KCNT2: variants seen among roughly 807,000 people sequenced by gnomAD.
The protein encoded by KCNT2 is potassium channel subfamily T member 2.
Under a neutral mutation model 153.8 loss-of-function variants are expected in KCNT2, and 67 were observed. The observed-to-expected ratio is 0.44, with a 90% CI of 0.36 to 0.53. The LOEUF (loss-of-function observed/expected upper bound fraction) is 0.53. Ranked by LOEUF, KCNT2 falls within the 20% of genes least tolerant of loss-of-function variation. KCNT2 has a pLI of 0.00. For synonymous variants in KCNT2, 500 were observed against 458.8 expected (o/e 1.09, Z -1.15); for missense variants, 975 against 1,354.8 (o/e 0.72, Z 4.40).
chr1:196,523,876 T>A (rs1653825534), intron 1 of KCNT2, among the ~76,000 whole-genome samples: 1 of 152,200 alleles, frequency 6.6e-6, no homozygotes, highest in South Asian at 2.1e-4. Context: ...CTACTTTGTT[T>A]TGTAAAATGT....
At chr1:196,498,511 G>T (rs6675592) in intron 1 of KCNT2, among the ~76,000 whole-genome samples, 1 of 151,982 alleles carries the variant, frequency 6.6e-6, no homozygotes, top group Admixed American at 6.6e-5. Flanking sequence ...TCAAACAAGG[G>T]ATTATCTGCC....
intron 1 of KCNT2, among the ~76,000 whole-genome samples, chr1:196,568,575 G>A (rs1660389333): frequency 2.0e-5 from 3 of 146,912 alleles, no homozygotes; most frequent in Non-Finnish European, 4.5e-5. Context: ...CAGCCTGGGC[G>A]ACAGGGCTAG....
intron 1 of KCNT2, among the ~76,000 whole-genome samples, chr1:196,595,675 T>C (rs10801550): frequency 0.48 from 72,764 of 151,992 alleles, 19,808 homozygotes; most frequent in Middle Eastern, 0.73. Context: ...TTATTTTTTG[T>C]AGTAGGCTTT....
intron 19 of KCNT2, among the ~76,000 whole-genome samples, chr1:196,324,646 G>A (rs1436992245): frequency 1.3e-5 from 2 of 152,200 alleles, no homozygotes; most frequent in African/African-American, 4.8e-5. Flanking sequence ...ATTATGAACA[G>A]AGGATGGAGG....
intron 14 of KCNT2, among the ~76,000 whole-genome samples, chr1:196,354,855 C>T (rs1426508084): frequency 2.6e-5 from 4 of 151,478 alleles, no homozygotes; most frequent in Non-Finnish European, 5.9e-5. Context: ...TTTTTTTGCA[C>T]TCATGAATTA....
chr1:196,269,893 T>C (rs1369652635), intron 25 of KCNT2, among the ~76,000 whole-genome samples: 1 of 152,146 alleles, frequency 6.6e-6, no homozygotes, highest in Non-Finnish European at 1.5e-5. Context: ...TTTTGTAACG[T>C]ACTCATAACT....
chr1:196,280,310 G>T (rs1658975198), intron 25 of KCNT2, among the ~76,000 whole-genome samples: 1 of 152,134 alleles, frequency 6.6e-6, no homozygotes, highest in South Asian at 2.1e-4. Flanking sequence ...ACAAGATCAA[G>T]TTTGCTGTTA....
chr1:196,333,960 G>A lies in KCNT2; in HGVS notation c.1884C>T (p.Ser628=). ...CTGCAACCTCTAAAACAGGAGCAAT[G>A]CTAGGTCTTCTTATTTCTTTGCTTC... is the stretch of plus-strand genomic sequence containing the variant. ...TEGSKEIRRP[S]IAPVLEVADT... Residue 628 remains serine, a synonymous_variant, in exon 17 of 28, where the codon AGC becomes AGT. Coordinates refer to ENST00000294725, the MANE Select transcript of KCNT2 (RefSeq NM_198503.5). 1.2e-6 allele frequency: 2 copies of A among 1,612,622 alleles called. No individual in the cohort carries two copies. Among genetic ancestry groups the A allele is most frequent in the Non-Finnish European group, 1.7e-6 (2 of 1,178,966 alleles).
chr1:196,321,701 T>A (rs41451950), intron 19 of KCNT2, among the ~76,000 whole-genome samples: 7,529 of 151,996 alleles, frequency 0.05, 283 homozygotes, highest in Non-Finnish European at 0.072. Flanking sequence ...ATGAAGGATA[T>A]CTAAGGTAAG....
chr1:196,374,868 T>C (rs1047703950), intron 13 of KCNT2, among the ~76,000 whole-genome samples: 4 of 151,776 alleles, frequency 2.6e-5, no homozygotes, highest in Non-Finnish European at 5.9e-5. Flanking sequence ...GAGAAAAATA[T>C]GTACATTTAT....
At chr1:196,422,974 T>G in intron 12 of KCNT2, 76 bp downstream of exon 12, 1 of 962,780 alleles carries the variant, frequency 1.0e-6, no homozygotes, top group South Asian at 1.7e-5. Flanking sequence ...TGCTGGCGAA[T>G]TTTTAAAAAC....
chr1:196,432,557 C>T (rs781402801), intron 8 of KCNT2, among the ~76,000 whole-genome samples: 3 of 152,134 alleles, frequency 2.0e-5, no homozygotes, highest in Non-Finnish European at 4.4e-5. Context: ...TCTCAAACCT[C>T]AGGATTTAAT....
chr1:196,249,007 G>C (rs1331469144), intron 26 of KCNT2, among the ~76,000 whole-genome samples: 1 of 152,058 alleles, frequency 6.6e-6, no homozygotes, highest in Non-Finnish European at 1.5e-5. Flanking sequence ...GCTTCAACAT[G>C]TGCAAATCAA....
intron 23 of KCNT2, 54 bp from the exon 24 acceptor site, chr1:196,282,410 A>T (rs1429951100): frequency 3.4e-6 from 3 of 877,940 alleles, no homozygotes; most frequent in Admixed American, 3.8e-5. Context: ...TATAATGTGT[A>T]TGAGATGTGT....
chr1:196,372,614 G>A (rs1388279549), intron 14 of KCNT2, among the ~76,000 whole-genome samples: 1 of 151,806 alleles, frequency 6.6e-6, no homozygotes, highest in Admixed American at 6.6e-5. Flanking sequence ...CTCCAACCTT[G>A]AAATGCATAT....
chr1:196,391,015 A>G (rs1047622589), intron 13 of KCNT2, among the ~76,000 whole-genome samples: 2 of 150,472 alleles, frequency 1.3e-5, no homozygotes, highest in Non-Finnish European at 3.0e-5. Context: ...GGTGTATGAG[A>G]TTGACTAAAT....
At chr1:196,352,063 C>T (rs979148894) in intron 14 of KCNT2, among the ~76,000 whole-genome samples, 6 of 151,996 alleles carry the variant, frequency 3.9e-5, no homozygotes, top group Non-Finnish European at 7.4e-5. Context: ...GCCCACTTGA[C>T]CATGGTGGAT....
At chr1:196,489,432 A>G (rs1164181650) in intron 3 of KCNT2, among the ~76,000 whole-genome samples, 1 of 151,998 alleles carries the variant, frequency 6.6e-6, no homozygotes, top group Non-Finnish European at 1.5e-5. Context: ...AAAAAGAAAA[A>G]GAAGAAAACT....
At chr1:196,413,363 A>G (rs376118246) in intron 12 of KCNT2, among the ~76,000 whole-genome samples, 1 of 151,688 alleles carries the variant, frequency 6.6e-6, no homozygotes. Flanking sequence ...AAAATGCTTG[A>G]TCACATGAAA....
Sources: gnomAD v4.1 joint callset for allele counts (sites outside exome capture counted in the v4.1 genomes callset) on GRCh38, gnomAD v4.1.1 for gene constraint, MANE v1.5 for transcripts, NCBI Gene and HGNC (gene_info 2026-07-23, HGNC 2026-07-21) for gene names.